The following SEZ6L variants were observed in gnomAD, a reference collection of about 807,000 sequenced individuals.
SEZ6L encodes the protein seizure related 6 homolog like.
SEZ6L carries 37 observed loss-of-function variants against 106.2 expected under a neutral mutation model. That is an observed-to-expected ratio of 0.35 (90% confidence interval 0.27 to 0.46). The LOEUF (loss-of-function observed/expected upper bound fraction) is 0.46, where lower values mean the gene tolerates loss of function less well. SEZ6L is among the 20% of genes least tolerant of loss of function. The pLI is 1.00. For synonymous variants in SEZ6L, 541 were observed against 570.4 expected (o/e 0.95, Z 0.73); for missense variants, 1,172 against 1,332.8 (o/e 0.88, Z 1.88).
At chr22:26,265,416 AG>A (rs2080144060) in intron 1 of SEZ6L, among the ~76,000 whole-genome samples, 5 of 152,222 alleles carry the variant, frequency 3.3e-5, no homozygotes, top group Admixed American at 3.3e-4. Context: ...CATCTACTCT[AG>A]GGGGAAATTA....
intron 9 of SEZ6L, among the ~76,000 whole-genome samples, chr22:26,329,649 C>T (rs1015189810): frequency 6.6e-6 from 1 of 152,270 alleles, no homozygotes; most frequent in East Asian, 1.9e-4. Context: ...AAAGGCCCCT[C>T]GACAATTCTG....
At chr22:26,226,299 G>T (rs2078631916) in intron 1 of SEZ6L, among the ~76,000 whole-genome samples, 1 of 152,180 alleles carries the variant, frequency 6.6e-6, no homozygotes, top group Non-Finnish European at 1.5e-5. Context: ...GTGATCCACT[G>T]TTCCCAGCAT....
At chr22:26,340,251 C>A (rs1176153848) in intron 9 of SEZ6L, among the ~76,000 whole-genome samples, 185 bp from the exon 10 acceptor site, 1 of 152,046 alleles carries the variant, frequency 6.6e-6, no homozygotes, top group Non-Finnish European at 1.5e-5. Context: ...AAATGACTTA[C>A]AAATCTTTGT....
At chr22:26,279,616 G>A (rs1011013339) in intron 1 of SEZ6L, among the ~76,000 whole-genome samples, 1 of 152,202 alleles carries the variant, frequency 6.6e-6, no homozygotes, top group African/African-American at 2.4e-5. Context: ...GGACCAGGCC[G>A]TAGCAGTTTC....
At chr22:26,173,727 C>G (rs1420062056) in intron 1 of SEZ6L, among the ~76,000 whole-genome samples, 3 of 152,166 alleles carry the variant, frequency 2.0e-5, no homozygotes, top group Non-Finnish European at 2.9e-5. Context: ...GAAGTCCAAG[C>G]TCAGGGCGCC....
chr22:26,255,094 T>C (rs1288741370), intron 1 of SEZ6L, among the ~76,000 whole-genome samples: 1 of 152,210 alleles, frequency 6.6e-6, no homozygotes, highest in Non-Finnish European at 1.5e-5. Context: ...AAAACCACTT[T>C]ATTGAGGTGT....
At chr22:26,348,807 A>AGGGGGGGGAG (rs2083169220) in intron 11 of SEZ6L, among the ~76,000 whole-genome samples, 1 of 11,010 alleles carries the variant, frequency 9.1e-5, no homozygotes, top group Non-Finnish European at 1.4e-4. Flanking sequence ...AGGGGAGGGA[A>AGGGGGGGGAG]GGGGAGAGAA....
Position 26,179,532 on chromosome 22 carries a change from T to C in SEZ6L, c.94+9769T>C, listed in dbSNP as rs145258473. On this transcript the variant is annotated intron_variant, in intron 1 of 16. Coordinates refer to ENST00000248933, the MANE Select transcript of SEZ6L (RefSeq NM_021115.5). ...AGCACATTGATCTTGGACTTCCCAG[T>C]CTCCAGAACTGTGAGGAATAATGTC... Among the ~76,000 whole-genome samples the C allele has an allele frequency of 9.8e-5, 15 of 152,316 alleles. No homozygotes were observed. The East Asian group carries it at 2.7e-3, about 27-fold the overall frequency.
chr22:26,307,274 G>A (rs1307752270), intron 6 of SEZ6L, among the ~76,000 whole-genome samples: 1 of 152,182 alleles, frequency 6.6e-6, no homozygotes, highest in Non-Finnish European at 1.5e-5. Flanking sequence ...TCAGAGACTT[G>A]TGGTCAGAAG....
At chr22:26,212,638 G>A (rs1451946370) in intron 1 of SEZ6L, among the ~76,000 whole-genome samples, 3 of 152,152 alleles carry the variant, frequency 2.0e-5, no homozygotes, top group East Asian at 3.9e-4. Context: ...GCCCAGGCTG[G>A]TCTCAAACTC....
chr22:26,302,790 G>A (rs909548454), intron 5 of SEZ6L, among the ~76,000 whole-genome samples: 7 of 152,336 alleles, frequency 4.6e-5, no homozygotes, highest in South Asian at 2.1e-4. Context: ...AGCCACGGCT[G>A]GCAAATTGAA....
chr22:26,193,802 T>C (rs1047420182), intron 1 of SEZ6L, among the ~76,000 whole-genome samples: 2 of 152,188 alleles, frequency 1.3e-5, no homozygotes, highest in African/African-American at 2.4e-5. Flanking sequence ...ATAATTACCA[T>C]GCTGGAGTTC....
chr22:26,357,101 G>A (rs1345304426), intron 12 of SEZ6L, among the ~76,000 whole-genome samples: 1 of 152,022 alleles, frequency 6.6e-6, no homozygotes, highest in African/African-American at 2.4e-5. Flanking sequence ...ACAGGTGCCC[G>A]CCACCACGCC....
intron 1 of SEZ6L, among the ~76,000 whole-genome samples, chr22:26,230,126 A>G (rs945127630): frequency 1.4e-4 from 22 of 152,188 alleles, no homozygotes; most frequent in African/African-American, 4.6e-4. Flanking sequence ...AGGAACAGGC[A>G]TCCCTCCAGC....
chr22:26,309,129 A>G (rs1391810927), intron 6 of SEZ6L, among the ~76,000 whole-genome samples: 1 of 152,048 alleles, frequency 6.6e-6, no homozygotes, highest in African/African-American at 2.4e-5. Flanking sequence ...GTCAGTAAAA[A>G]CCTCAAAGGC....
intron 1 of SEZ6L, among the ~76,000 whole-genome samples, chr22:26,194,918 C>G (rs1202023710): frequency 6.6e-6 from 1 of 152,162 alleles, no homozygotes; most frequent in Non-Finnish European, 1.5e-5. Flanking sequence ...TTATTTTAAT[C>G]CAAACCAAGT....
rs572098096 is a variant in SEZ6L at position 26,309,793 on chromosome 22, A to G, written c.1515-877A>G. On this transcript the variant is annotated intron_variant, in intron 6 of 16. Transcript: ENST00000248933. ...GGGGTTTCACCATGTTGGCCAGGCTACTATCTAACTCCTGACCTCAGGTGA... is the reference window on the plus strand; with the variant it reads ...GGGGTTTCACCATGTTGGCCAGGCTGCTATCTAACTCCTGACCTCAGGTGA... 9.0e-4 allele frequency among the ~76,000 whole-genome samples: 137 copies of G among 152,150 alleles called. 1 individual carries two copies. Among genetic ancestry groups the G allele is most frequent in the African/African-American group, 3.2e-3 (132 of 41,522 alleles).
chr22:26,351,327 A>C, intron 12 of SEZ6L, 84 bp downstream of exon 12: 3 of 1,325,844 alleles, frequency 2.3e-6, no homozygotes, highest in Middle Eastern at 1.9e-4. Context: ...CTGGGCTGCT[A>C]GGAGGCCTTC....
At chr22:26,182,003 A>C in intron 1 of SEZ6L, among the ~76,000 whole-genome samples, 1 of 152,146 alleles carries the variant, frequency 6.6e-6, no homozygotes, top group East Asian at 1.9e-4. Context: ...TCACTGCCCC[A>C]TAGGTGCATG....
Sources: allele counts gnomAD v4.1 joint callset (sites outside exome capture counted in the v4.1 genomes callset), GRCh38; gene constraint gnomAD v4.1.1; transcripts MANE v1.5; gene names NCBI Gene and HGNC (gene_info 2026-07-23, HGNC 2026-07-21).